SLC39A10: variants seen among roughly 807,000 people sequenced by gnomAD.
SLC39A10 encodes the protein solute carrier family 39 member 10, also known as zinc transporter ZIP10.
A neutral mutation model predicts 65.1 loss-of-function variants in SLC39A10; 13 were observed. That is an observed-to-expected ratio of 0.20 (90% CI 0.13 to 0.32). The LOEUF is 0.32. SLC39A10 is among the 10% of genes least tolerant of loss of function. The pLI is 1.00. For synonymous variants in SLC39A10, 321 were observed against 342.2 expected (o/e 0.94, Z 0.68); for missense variants, 831 against 1,018.4 (o/e 0.82, Z 2.50).
intron 1 of SLC39A10, among the ~76,000 whole-genome samples, chr2:195,667,923 A>G (rs919400086): frequency 1.3e-5 from 2 of 152,244 alleles, no homozygotes; most frequent in Non-Finnish European, 2.9e-5. Context: ...TTTTACAAAA[A>G]TATGTACGTA....
intron 2 of SLC39A10, among the ~76,000 whole-genome samples, chr2:195,648,628 A>G (rs1047790878): frequency 4.6e-5 from 7 of 152,156 alleles, no homozygotes; most frequent in Non-Finnish European, 1.5e-5. Context: ...CAGTGAGCCA[A>G]GAGATAGTGA....
intron 8 of SLC39A10, among the ~76,000 whole-genome samples, chr2:195,719,103 A>G (rs1691922950): frequency 6.6e-6 from 1 of 151,728 alleles, no homozygotes; most frequent in Non-Finnish European, 1.5e-5. Flanking sequence ...ACTTTCAACT[A>G]TAGTAATCAT....
chr2:195,655,117 A>T (rs1472743049), upstream of SLC39A10, among the ~76,000 whole-genome samples: 2 of 152,220 alleles, frequency 1.3e-5, no homozygotes, highest in African/African-American at 4.8e-5. Flanking sequence ...GGGAGTGACT[A>T]ATAAGAGCTG....
intron 2 of SLC39A10, among the ~76,000 whole-genome samples, chr2:195,648,078 C>A (rs1416371866): frequency 6.6e-6 from 1 of 152,156 alleles, no homozygotes; most frequent in Non-Finnish European, 1.5e-5. Context: ...CTGCAGCCTC[C>A]ACCTCCTGGG....
intron 2 of SLC39A10, among the ~76,000 whole-genome samples, chr2:195,621,173 A>G (rs1443410277): frequency 6.6e-6 from 1 of 152,254 alleles, no homozygotes; most frequent in Non-Finnish European, 1.5e-5. Context: ...ATGAGACAGC[A>G]GGATGATCAA....
intron 1 of SLC39A10, among the ~76,000 whole-genome samples, chr2:195,663,900 T>G (rs1689525702): frequency 6.6e-6 from 1 of 151,848 alleles, no homozygotes; most frequent in Non-Finnish European, 1.5e-5. Flanking sequence ...GATCCTGTCA[T>G]CCAGGTACTG....
chr2:195,643,298 G>A (rs1323891109), intron 2 of SLC39A10, among the ~76,000 whole-genome samples: 3 of 152,194 alleles, frequency 2.0e-5, no homozygotes, highest in Non-Finnish European at 2.9e-5. Context: ...TCAAATTAGT[G>A]TAGAAAAGTC....
intron 9 of SLC39A10, 126 bp from the exon 10 acceptor site, chr2:195,734,757 A>G (rs1443877402): frequency 1.1e-6 from 1 of 928,606 alleles, no homozygotes; most frequent in Non-Finnish European, 1.6e-6. Flanking sequence ...ATTGTGTTCA[A>G]TAAAATAATT....
intron 8 of SLC39A10, among the ~76,000 whole-genome samples, chr2:195,718,974 T>C (rs1333338547): frequency 6.6e-6 from 1 of 151,936 alleles, no homozygotes; most frequent in Non-Finnish European, 1.5e-5. Context: ...TACCCAAAAA[T>C]CTAGTATGTG....
chr2:195,617,522 A>G (rs1312928661), intron 2 of SLC39A10, among the ~76,000 whole-genome samples: 5 of 151,910 alleles, frequency 3.3e-5, no homozygotes, highest in Admixed American at 2.0e-4. Flanking sequence ...GGATTGTGCC[A>G]CTGTACTCCA....
At chr2:195,627,926 G>T (rs995475662) in intron 2 of SLC39A10, among the ~76,000 whole-genome samples, 1 of 152,144 alleles carries the variant, frequency 6.6e-6, no homozygotes, top group African/African-American at 2.4e-5. Flanking sequence ...TCTTTAAAGA[G>T]ACATTAAAAT....
chr2:195,671,285 T>C (rs1689847794), intron 1 of SLC39A10, among the ~76,000 whole-genome samples: 1 of 152,194 alleles, frequency 6.6e-6, no homozygotes, highest in Non-Finnish European at 1.5e-5. Context: ...AATTATACAG[T>C]GATAGAATAC....
At chr2:195,712,069 A>G (rs958786897) in intron 5 of SLC39A10, among the ~76,000 whole-genome samples, 4 of 152,156 alleles carry the variant, frequency 2.6e-5, no homozygotes, top group Admixed American at 6.5e-5. Context: ...AGTCTTTAAC[A>G]CTATTACATT....
chr2:195,683,409 G>A (rs559429807), intron 2 of SLC39A10, among the ~76,000 whole-genome samples: 1 of 151,986 alleles, frequency 6.6e-6, no homozygotes, highest in Non-Finnish European at 1.5e-5. Flanking sequence ...ATCATCCTAC[G>A]AGAGTCTTGG....
intron 5 of SLC39A10, among the ~76,000 whole-genome samples, chr2:195,710,577 A>G (rs886238483): frequency 2.0e-5 from 3 of 152,216 alleles, no homozygotes; most frequent in Non-Finnish European, 2.9e-5. Flanking sequence ...TTGTGTGACT[A>G]TGACTCACTC....
Position 195,711,401 on chromosome 2 carries a change from A to G in SLC39A10, c.1576-2032A>G, listed in dbSNP as rs1691597919. 2.0e-5 allele frequency among the ~76,000 whole-genome samples: 3 copies of G among 152,210 alleles called. No homozygotes were observed. The South Asian group carries it at 6.2e-4, about 31-fold the overall frequency. Reference sequence around the variant, plus strand: ...CACCAAACCATGACAGCTTTTTTGTAAATTTGAAATTGTGGGAAGTAAAAC... The same window carrying G: ...CACCAAACCATGACAGCTTTTTTGTGAATTTGAAATTGTGGGAAGTAAAAC... On this transcript the variant is annotated intron_variant, in intron 5 of 9. Coordinates refer to ENST00000359634, the MANE Select transcript of SLC39A10 (RefSeq NM_020342.3).
intron 8 of SLC39A10, among the ~76,000 whole-genome samples, chr2:195,721,121 TGATA>T (rs1692019829): frequency 6.6e-6 from 1 of 151,876 alleles, no homozygotes; most frequent in African/African-American, 2.4e-5. Flanking sequence ...TTTGTATTTT[TGATA>T]GATAGGGTGT....
At chr2:195,708,932 A>C (rs532866145) in intron 5 of SLC39A10, 88 bp downstream of exon 5, 2 of 946,932 alleles carry the variant, frequency 2.1e-6, no homozygotes, top group African/African-American at 3.4e-5. Context: ...CTTAATTATG[A>C]TGTTGGTGTG....
rs889418074 is a variant in SLC39A10, at chr2:195,736,168, C to A, written c.*1127C>A. On this transcript the variant is annotated 3_prime_UTR_variant, in exon 10 of 10. Transcript: ENST00000359634. Reference sequence around the variant, plus strand: ...TGGTACCCAAGTGACTTGGAAGATGCATTTAAATTACTCAGCTGAAATCAC... The same window carrying A: ...TGGTACCCAAGTGACTTGGAAGATGAATTTAAATTACTCAGCTGAAATCAC... The A allele has an allele frequency of 3.3e-5, 5 of 152,684 alleles. No individual in the cohort carries two copies. Among genetic ancestry groups the A allele is most frequent in the African/African-American group, 1.2e-4 (5 of 41,440 alleles). 9.5% of individuals were successfully genotyped at this position (152,684 alleles called of 1,614,324 possible).
Sources: allele counts gnomAD v4.1 joint callset (sites outside exome capture counted in the v4.1 genomes callset), GRCh38; gene constraint gnomAD v4.1.1; transcripts MANE v1.5; gene names NCBI Gene and HGNC (gene_info 2026-07-23, HGNC 2026-07-21).